The following PDGFD variants were observed in gnomAD, a reference collection of about 807,000 sequenced individuals.
PDGFD encodes the protein platelet-derived growth factor D.
PDGFD carries 30 observed loss-of-function variants against 44.7 expected under a neutral mutation model. That is an observed-to-expected ratio of 0.67 (90% confidence interval 0.50 to 0.91). The LOEUF is 0.91. PDGFD is among the 40% of genes least tolerant of loss of function. The probability of loss-of-function intolerance (pLI) is 0.00; values close to 1 mark genes in which losing one functional copy is unlikely to be tolerated. For missense variants in PDGFD, 445 were observed against 457.8 expected (o/e 0.97, Z 0.25); for synonymous variants, 173 against 168.4 (o/e 1.03, Z -0.21).
intron 2 of PDGFD, among the ~76,000 whole-genome samples, chr11:103,998,319 A>G (rs1859567686): frequency 6.6e-6 from 1 of 152,206 alleles, no homozygotes; most frequent in East Asian, 1.9e-4. Flanking sequence ...ATCACCAGAA[A>G]GAACAAGACA....
chr11:104,163,221 C>T (rs991440091), intron 1 of PDGFD, among the ~76,000 whole-genome samples: 1 of 152,110 alleles, frequency 6.6e-6, no homozygotes, highest in East Asian at 1.9e-4. Flanking sequence ...GGGTGAACTT[C>T]AATAGGAAAG....
chr11:104,115,472 A>G (rs2134455889), intron 1 of PDGFD, among the ~76,000 whole-genome samples: 1 of 151,968 alleles, frequency 6.6e-6, no homozygotes, highest in Non-Finnish European at 1.5e-5. Context: ...TGATTTTGCA[A>G]TTGCTAATTG....
intron 1 of PDGFD, among the ~76,000 whole-genome samples, chr11:104,132,655 T>A (rs1861941441): frequency 6.6e-6 from 1 of 152,120 alleles, no homozygotes; most frequent in Non-Finnish European, 1.5e-5. Flanking sequence ...TATACATCTT[T>A]ATATCATTAT....
chr11:104,085,360 T>C (rs890921929), intron 1 of PDGFD, among the ~76,000 whole-genome samples: 1 of 152,182 alleles, frequency 6.6e-6, no homozygotes, highest in African/African-American at 2.4e-5. Flanking sequence ...TAAACGTCCT[T>C]GAGGTCTATC....
chr11:104,161,645 T>C (rs961473719), intron 1 of PDGFD, among the ~76,000 whole-genome samples: 2 of 152,192 alleles, frequency 1.3e-5, no homozygotes. Context: ...TGTATATCTA[T>C]TTATATCTGC....
At chr11:103,999,333 C>G (rs1432758944) in intron 2 of PDGFD, among the ~76,000 whole-genome samples, 1 of 152,122 alleles carries the variant, frequency 6.6e-6, no homozygotes, top group Non-Finnish European at 1.5e-5. Context: ...AAATCTTCCT[C>G]AAGTCTTATA....
intron 1 of PDGFD, among the ~76,000 whole-genome samples, chr11:104,127,916 T>G (rs1591178412): frequency 6.6e-6 from 1 of 152,200 alleles, no homozygotes; most frequent in East Asian, 1.9e-4. Context: ...TTTAGTGTTC[T>G]AATACATTTC....
chr11:103,937,466 T>C (rs2134318316), intron 5 of PDGFD, among the ~76,000 whole-genome samples: 1 of 152,300 alleles, frequency 6.6e-6, no homozygotes. Context: ...AATTTAGAAA[T>C]GTTGAATTTT....
chr11:104,146,695 T>C (rs772077317), intron 1 of PDGFD, among the ~76,000 whole-genome samples: 5 of 152,182 alleles, frequency 3.3e-5, no homozygotes, highest in Non-Finnish European at 7.4e-5. Context: ...TTAGTCCCCA[T>C]CTGCTACCCA....
chr11:104,026,675 C>T lies in PDGFD; in HGVS notation c.125-26420G>A, dbSNP rs188492332. On this transcript the variant is annotated intron_variant, in intron 1 of 6. Transcript: ENST00000393158. ...TAGAGCAGTCCCCTAGGTTTGAAAA[C>T]CTTATGGCCTCATGGTTACAATGTC... Among the ~76,000 whole-genome samples, 220 of 152,282 alleles carry T rather than the reference C, an allele frequency of 1.4e-3. 2 individuals carry two copies. Among genetic ancestry groups the T allele is most frequent in the African/African-American group, 4.9e-3 (203 of 41,566 alleles).
chr11:104,116,751 A>AG (rs143435927), intron 1 of PDGFD, among the ~76,000 whole-genome samples: 1,557 of 152,098 alleles, frequency 0.01, 22 homozygotes, highest in African/African-American at 0.036. Flanking sequence ...GGAGGGACCC[A>AG]GGGGGAGGTA....
chr11:104,138,977 G>C (rs543630583), intron 1 of PDGFD, among the ~76,000 whole-genome samples: 26 of 152,078 alleles, frequency 1.7e-4, no homozygotes, highest in Non-Finnish European at 3.4e-4. Context: ...GGCCAAGCTG[G>C]TCTCGAACTC....
At chr11:104,008,752 C>T (rs1421651725) in intron 1 of PDGFD, among the ~76,000 whole-genome samples, 1 of 151,970 alleles carries the variant, frequency 6.6e-6, no homozygotes, top group Non-Finnish European at 1.5e-5. Context: ...AAATTAAACT[C>T]CTGAGGCAAA....
chr11:103,978,124 G>C (rs549271756), intron 3 of PDGFD, among the ~76,000 whole-genome samples: 1 of 151,986 alleles, frequency 6.6e-6, no homozygotes, highest in Non-Finnish European at 1.5e-5. Context: ...CAGTAGTGTC[G>C]TTGTTGGTTT....
chr11:103,946,591 T>C (rs1858671045), intron 4 of PDGFD: 1 of 152,268 alleles, frequency 6.6e-6, no homozygotes, highest in African/African-American at 2.4e-5. Flanking sequence ...TGCCTTGAGT[T>C]ATCAGCCTCT....
chr11:104,149,411 T>C (rs1406819768), intron 1 of PDGFD, among the ~76,000 whole-genome samples: 1 of 152,186 alleles, frequency 6.6e-6, no homozygotes, highest in Non-Finnish European at 1.5e-5. Context: ...GAGCTATACA[T>C]ACATTCAAGA....
In PDGFD at chr11:103,985,389, G is replaced by A. The variant is rs550820273; in HGVS notation, c.510+10676C>T. ...TTATTGTCAAGTTTTTTGAAGAGAT[G>A]GGGGTCTCACTATATATGACTAGTT... On this transcript the variant is annotated intron_variant, in intron 3 of 6. Transcript: ENST00000393158. Among the ~76,000 whole-genome samples the A allele has an allele frequency of 2.0e-5, 3 of 151,036 alleles. No homozygotes were observed. The South Asian group carries it at 6.2e-4, about 31-fold the overall frequency.
intron 1 of PDGFD, among the ~76,000 whole-genome samples, chr11:104,094,643 C>A (rs1861257368): frequency 6.6e-6 from 1 of 152,104 alleles, no homozygotes; most frequent in African/African-American, 2.4e-5. Context: ...TCCATTCATT[C>A]TGTTATCTAT....
At chr11:104,024,747 G>A (rs1860016876) in intron 1 of PDGFD, among the ~76,000 whole-genome samples, 1 of 152,148 alleles carries the variant, frequency 6.6e-6, no homozygotes, top group African/African-American at 2.4e-5. Context: ...TCATTAAGTG[G>A]TGCATGACTG....
Sources: gnomAD v4.1 joint callset for allele counts (sites outside exome capture counted in the v4.1 genomes callset) on GRCh38, gnomAD v4.1.1 for gene constraint, MANE v1.5 for transcripts, NCBI Gene and HGNC (gene_info 2026-07-23, HGNC 2026-07-21) for gene names.